USP24: variants seen among roughly 807,000 people sequenced by gnomAD.
The protein encoded by USP24 is ubiquitin carboxyl-terminal hydrolase 24.
In USP24, 97 loss-of-function variants were observed where a neutral mutation model predicts 361.6. That is an observed-to-expected ratio of 0.27 (90% CI 0.23 to 0.32). USP24 has a LOEUF of 0.32. USP24 is among the 10% of genes least tolerant of loss of function. The pLI, the probability that USP24 is intolerant of heterozygous loss-of-function variation, is 1.00. For synonymous variants in USP24, 1,098 were observed against 1,124.6 expected (o/e 0.98, Z 0.47); for missense variants, 2,353 against 3,165.6 (o/e 0.74, Z 6.16).
chr1:55,207,394 T>C (rs1011445414), intron 1 of USP24, among the ~76,000 whole-genome samples: 1 of 152,166 alleles, frequency 6.6e-6, no homozygotes. Context: ...CAAGTCTTCC[T>C]TACAAAGATT....
intron 1 of USP24, among the ~76,000 whole-genome samples, chr1:55,213,171 A>G (rs748432743): frequency 6.6e-6 from 1 of 152,238 alleles, no homozygotes; most frequent in African/African-American, 2.4e-5. Context: ...TGGGTCAAAA[A>G]CTAGAAGGAA....
intron 1 of USP24, among the ~76,000 whole-genome samples, chr1:55,199,881 C>T (rs562652280): frequency 3.9e-5 from 6 of 152,260 alleles, no homozygotes; most frequent in Admixed American, 3.3e-4. Flanking sequence ...TACAGTTCCA[C>T]GTGGCTGGGG....
intron 32 of USP24, among the ~76,000 whole-genome samples, chr1:55,127,273 T>A (rs1456168497): frequency 6.6e-6 from 1 of 152,150 alleles, no homozygotes; most frequent in Non-Finnish European, 1.5e-5. Context: ...TGTGTCCATG[T>A]GTTCTCATTG....
At chr1:55,198,262 G>A (rs185467047) in intron 1 of USP24, among the ~76,000 whole-genome samples, 4 of 152,098 alleles carry the variant, frequency 2.6e-5, no homozygotes, top group South Asian at 4.2e-4. Flanking sequence ...GATTACAGGC[G>A]TGTGCCACCA....
At chr1:55,188,156 T>G (rs1301475176) in intron 1 of USP24, among the ~76,000 whole-genome samples, 1 of 152,132 alleles carries the variant, frequency 6.6e-6, no homozygotes, top group African/African-American at 2.4e-5. Flanking sequence ...GACAAAAAAG[T>G]AATCCAATGG....
rs779519145 is a variant in USP24 at position 55,145,228 on chromosome 1, C to T, written c.2362+770G>A. 9.9e-5 allele frequency among the ~76,000 whole-genome samples: 15 copies of T among 152,196 alleles called. 1 individual carries two copies. The highest frequency in any genetic ancestry group is 1.4e-4 in the African/African-American group (6 of 41,530). ...CATGAATGTTTACAGCAGTATTAACCGTAACACCCAAAAAGTGGCAACAAT... is the reference window on the plus strand; with the variant it reads ...CATGAATGTTTACAGCAGTATTAACTGTAACACCCAAAAAGTGGCAACAAT... On this transcript the variant is annotated intron_variant, in intron 20 of 67. Coordinates refer to ENST00000294383, the MANE Select transcript of USP24 (RefSeq NM_015306.3).
At chr1:55,130,118 T>C (rs755226803) in intron 31 of USP24, among the ~76,000 whole-genome samples, 33 of 152,236 alleles carry the variant, frequency 2.2e-4, no homozygotes, top group Non-Finnish European at 4.4e-4. Context: ...TGTGTCTCAT[T>C]CTAACACTCA....
chr1:55,214,634 T>G (rs1455055718), intron 1 of USP24, among the ~76,000 whole-genome samples, 156 bp downstream of exon 1: 4 of 152,044 alleles, frequency 2.6e-5, no homozygotes, highest in Non-Finnish European at 1.5e-5. Context: ...GGTTCCCAAC[T>G]GGAGCCTGGG....
rs1644852532 is a variant in USP24 at position 55,068,049 on chromosome 1, T to C, written c.*996A>G. On this transcript the variant is annotated 3_prime_UTR_variant, in exon 68 of 68. Coordinates refer to ENST00000294383, the MANE Select transcript of USP24 (RefSeq NM_015306.3). ...CAATAACTATGAAACTCACAAGCAG[T>C]GTGTACCAACTCAAATAGTTAACTT... is the stretch of plus-strand genomic sequence containing the variant. The C allele has an allele frequency of 6.6e-6, 1 of 152,262 alleles. No homozygotes were observed. Among genetic ancestry groups the C allele is most frequent in the South Asian group, 2.1e-4 (1 of 4,834 alleles). The allele number at this position is 152,262 out of a possible 1,614,324, so 9.4% of individuals were successfully genotyped here. A position where few individuals can be genotyped will look rare whatever the true frequency, so the allele number is the denominator to read the frequency against.
Position 55,147,679 on chromosome 1 carries a change from T to C in USP24, c.2088A>G (p.Thr696=), listed in dbSNP as rs1421007596. ...GGTAAGTGTACCGGCCATCCACTAG[T>C]GTCGAGCCACTTAAGCCTCCAGGCC... ...VAGPGGLSGS[T]LVDGRYTYRE... Residue 696 remains threonine (T), a synonymous_variant, in exon 18 of 68, where the codon ACA becomes ACG. Coordinates refer to ENST00000294383, the MANE Select transcript of USP24 (RefSeq NM_015306.3). 3.1e-6 allele frequency: 5 copies of C among 1,610,528 alleles called. No homozygotes were observed. The highest frequency in any genetic ancestry group is 2.2e-5 in the South Asian group (2 of 90,592).
At position 55,154,728 on chromosome 1, in the gene USP24, T is replaced by C. The variant is rs147846652; in HGVS notation, c.1497A>G (p.Ala499=). 741 of 1,613,492 alleles carry C rather than the reference T, an allele frequency of 4.6e-4. 1 individual carries two copies. Among genetic ancestry groups the C allele is most frequent in the Non-Finnish European group, 5.9e-4 (700 of 1,179,624 alleles). ...VIENIHTIIA[A]AAVKFNSDQL... ...GATCTGAATTAAATTTCACAGCCGC[T>C]GCAGCAATAATAGTATGAATGTTCT... Residue 499 remains alanine, a synonymous_variant, in exon 13 of 68, where the codon GCA becomes GCG. Coordinates refer to ENST00000294383, the MANE Select transcript of USP24 (RefSeq NM_015306.3).
chr1:55,072,140 C>T (rs751992767), intron 66 of USP24, among the ~76,000 whole-genome samples, 177 bp downstream of exon 66: 15 of 152,090 alleles, frequency 9.9e-5, no homozygotes, highest in Non-Finnish European at 2.2e-4. Context: ...ATAATCTGCA[C>T]AAATTTGTGT....
chr1:55,097,313 T>C, intron 48 of USP24, 141 bp from the exon 49 acceptor site: 1 of 1,125,788 alleles, frequency 8.9e-7, no homozygotes, highest in Non-Finnish European at 1.2e-6. Context: ...GTATAAAATC[T>C]CAGAAATGTT....
chr1:55,073,117 G>A (rs1448616570), intron 64 of USP24: 1 of 461,876 alleles, frequency 2.2e-6, no homozygotes, highest in Non-Finnish European at 3.8e-6. Context: ...GATGAAAAGA[G>A]TTCTGGAGAT....
chr1:55,154,827 A>C (rs761588298), intron 12 of USP24, 49 bp from the exon 13 acceptor site: 2 of 1,453,902 alleles, frequency 1.4e-6, no homozygotes, highest in East Asian at 4.6e-5. Context: ...ACTCGGAACA[A>C]CCTAAGTCTT....
chr1:55,089,797 A>C, intron 54 of USP24, 57 bp from the exon 55 acceptor site: 6 of 1,192,804 alleles, frequency 5.0e-6, no homozygotes, highest in Non-Finnish European at 6.0e-6. Context: ...CAATGACCTC[A>C]TGCAGTGCAC....
chr1:55,153,858 G>A lies in USP24; in HGVS notation c.1860+12C>T. ...GTATACCTTTTAGTTGGTTCCATCT[G>A]CAAATTCTTACCTTGAATCCATCCT... On this transcript the variant is annotated intron_variant, in intron 16 of 67. Coordinates refer to ENST00000294383, the MANE Select transcript of USP24 (RefSeq NM_015306.3). 1 of 1,549,722 alleles carries A rather than the reference G, an allele frequency of 6.5e-7. No individual in the cohort carries two copies. Among genetic ancestry groups the A allele is most frequent in the South Asian group, 1.2e-5 (1 of 83,712 alleles).
intron 38 of USP24, among the ~76,000 whole-genome samples, chr1:55,115,503 A>AAAAAAAAC: frequency 6.7e-6 from 1 of 148,736 alleles, no homozygotes; most frequent in Non-Finnish European, 1.5e-5. Context: ...CTCAAAAAAA[A>AAAAAAAAC]AAAAAAAAAA....
At chr1:55,082,476 C>T (rs1645168916) in intron 58 of USP24, among the ~76,000 whole-genome samples, 1 of 152,176 alleles carries the variant, frequency 6.6e-6, no homozygotes. Context: ...AGAAACACTG[C>T]AATAAAGCAA....
Sources: gnomAD v4.1 joint callset for allele counts (sites outside exome capture counted in the v4.1 genomes callset) on GRCh38, gnomAD v4.1.1 for gene constraint, MANE v1.5 for transcripts, NCBI Gene and HGNC (gene_info 2026-07-23, HGNC 2026-07-21) for gene names.